The following PM20D1 variants were observed in gnomAD, a reference collection of about 807,000 sequenced individuals.
The protein encoded by PM20D1 is peptidase M20 domain containing 1.
In PM20D1, 53 loss-of-function variants were observed where a neutral mutation model predicts 53.8. The ratio of observed to expected loss-of-function variants is 0.98; its 90% CI spans 0.79 to 1.24. The LOEUF (loss-of-function observed/expected upper bound fraction) is 1.24, where lower values mean the gene tolerates loss of function less well. Ranked by LOEUF, PM20D1 falls within the 50% of genes most tolerant of loss-of-function variation. PM20D1 has a pLI of 0.00. For missense variants in PM20D1, 564 were observed against 616.8 expected, an observed-to-expected ratio of 0.91 and a Z score of 0.91; for synonymous variants, 239 against 241.3, an observed-to-expected ratio of 0.99 and a Z score of 0.09.
chr1:205,831,688 C>G (rs929352465), intron 11 of PM20D1, among the ~76,000 whole-genome samples: 1 of 151,852 alleles, frequency 6.6e-6, no homozygotes, highest in East Asian at 1.9e-4. Flanking sequence ...CTCATCCTCC[C>G]GAGTAGCTGG....
intron 2 of PM20D1, among the ~76,000 whole-genome samples, chr1:205,846,367 C>G (rs886454296): frequency 1.3e-5 from 2 of 151,604 alleles, no homozygotes; most frequent in African/African-American, 4.9e-5. Context: ...GCCTGGCTGA[C>G]ACAGCAAGAC....
chr1:205,835,651 CAAAAAAA>C (rs59126866), intron 10 of PM20D1, among the ~76,000 whole-genome samples: 1 of 55,558 alleles, frequency 1.8e-5, no homozygotes, highest in Non-Finnish European at 3.0e-5. Context: ...GACTCCGACT[CAAAAAAA>C]AAAAAAAAAA....
intron 2 of PM20D1, among the ~76,000 whole-genome samples, chr1:205,846,012 G>C (rs1240453931): frequency 1.3e-5 from 2 of 151,014 alleles, no homozygotes; most frequent in Non-Finnish European, 2.9e-5. Flanking sequence ...GAACCTGGGA[G>C]GCAGAGTTTG....
chr1:205,843,519 C>T (rs1656865067), intron 6 of PM20D1, 148 bp downstream of exon 6: 7 of 1,159,878 alleles, frequency 6.0e-6, no homozygotes, highest in Non-Finnish European at 7.3e-6. Context: ...GCTTCCCCTT[C>T]TGTTCTTCCT....
In PM20D1 at chr1:205,832,666, G is replaced by C. The variant is rs1258744111; in HGVS notation, c.1217C>G (p.Ala406Gly). The C allele has an allele frequency of 1.9e-6, 3 of 1,614,134 alleles. No individual in the cohort carries two copies. The South Asian group carries it at 3.3e-5, about 18-fold the overall frequency. ...CTGGCGGAGCAGCTGGTAGCCCAAGGCCTTGTCATCAGAAGGGCTGACGGG... is the reference window on the plus strand; with the variant it reads ...CTGGCGGAGCAGCTGGTAGCCCAAGCCCTTGTCATCAGAAGGGCTGACGGG... ...PLPVSPSDDK[A>G]LGYQLLRQTV... The change falls in exon 11 of 13, where the codon GCC becomes GGC. Residue 406 changes from alanine to glycine, a missense_variant. Physicochemically the swap from Ala to Gly is moderately conservative, Grantham distance 60. Coordinates refer to ENST00000367136, the MANE Select transcript of PM20D1 (RefSeq NM_152491.5).
intron 10 of PM20D1, among the ~76,000 whole-genome samples, chr1:205,834,786 G>C (rs931365444): frequency 4.6e-5 from 7 of 152,208 alleles, no homozygotes; most frequent in Non-Finnish European, 7.3e-5. Context: ...AGAAATCGAA[G>C]AAGGCATGCA....
At chr1:205,829,687 G>GT (rs1482417427) in intron 12 of PM20D1, 2 of 152,658 alleles carry the variant, frequency 1.3e-5, no homozygotes, top group African/African-American at 4.8e-5. Context: ...TGTCTACAGA[G>GT]GATTTAGGAT....
chr1:205,849,994 C>T lies in PM20D1; in HGVS notation c.79G>A (p.Gly27Ser), dbSNP rs758931868. The change falls in exon 1 of 13, where the codon GGC (glycine) becomes AGC (serine). Residue 27 changes from glycine to serine, a missense_variant. By Grantham distance (56) the Gly-to-Ser change is moderately conservative (BLOSUM62 0). Coordinates refer to ENST00000367136, the MANE Select transcript of PM20D1 (RefSeq NM_152491.5). ...LVFPTVSRSM[G>S]PRSGEHQRAS... ...CTTTGATGCTCCCCGCTCCTCGGGC[C>T]CATCGATCTGGAGACGGTAGGGAAA... The T allele has an allele frequency of 1.2e-6, 2 of 1,614,158 alleles. No individual in the cohort carries two copies. The highest frequency in any genetic ancestry group is 1.7e-6 in the Non-Finnish European group (2 of 1,180,020).
intron 10 of PM20D1, among the ~76,000 whole-genome samples, chr1:205,838,594 C>T (rs1656735587): frequency 6.6e-6 from 1 of 152,188 alleles, no homozygotes; most frequent in Non-Finnish European, 1.5e-5. Context: ...ACCTTCTTCC[C>T]ATGGGCTTTT....
chr1:205,829,688 G>A (rs1198467960), intron 12 of PM20D1: 2 of 152,642 alleles, frequency 1.3e-5, no homozygotes, highest in African/African-American at 4.8e-5. Flanking sequence ...GTCTACAGAG[G>A]ATTTAGGATG....
chr1:205,841,028 T>A (rs890439002), intron 9 of PM20D1, among the ~76,000 whole-genome samples: 4 of 152,184 alleles, frequency 2.6e-5, no homozygotes, highest in African/African-American at 9.7e-5. Context: ...GCTGGTTCCC[T>A]CTTATCCTTG....
At chr1:205,843,865 G>A (rs1427584782) in intron 5 of PM20D1, 79 bp from the exon 6 acceptor site, 1 of 1,549,362 alleles carries the variant, frequency 6.5e-7, no homozygotes, top group African/African-American at 1.4e-5. Flanking sequence ...GTCCATCTGT[G>A]CAATAGTCTA....
At chr1:205,829,267 G>A (rs1656507433) in intron 12 of PM20D1, among the ~76,000 whole-genome samples, 1 of 152,122 alleles carries the variant, frequency 6.6e-6, no homozygotes. Context: ...GGGCTCAAGT[G>A]AGCCTCCTGC....
intron 10 of PM20D1, among the ~76,000 whole-genome samples, chr1:205,835,489 A>G (rs1656662821): frequency 6.6e-6 from 1 of 151,976 alleles, no homozygotes; most frequent in Admixed American, 6.6e-5. Flanking sequence ...CGTCTCTACT[A>G]AAAATACAAA....
chr1:205,834,095 G>A (rs142603920), intron 10 of PM20D1, among the ~76,000 whole-genome samples: 1 of 150,464 alleles, frequency 6.6e-6, no homozygotes, highest in Admixed American at 6.6e-5. Flanking sequence ...TGATCTGCCC[G>A]CCTTGGCCTC....
intron 10 of PM20D1, among the ~76,000 whole-genome samples, chr1:205,837,506 C>T (rs1656708175): frequency 6.6e-6 from 1 of 152,190 alleles, no homozygotes; most frequent in Non-Finnish European, 1.5e-5. Context: ...GAATATGGAG[C>T]AAGAGAACTC....
chr1:205,844,650 C>A (rs988158992), intron 4 of PM20D1, among the ~76,000 whole-genome samples, 161 bp downstream of exon 4: 1 of 152,184 alleles, frequency 6.6e-6, no homozygotes, highest in Non-Finnish European at 1.5e-5. Context: ...GAATTTTGGT[C>A]AAGGTCCTTA....
intron 10 of PM20D1, among the ~76,000 whole-genome samples, chr1:205,833,917 G>A (rs1313204998): frequency 6.6e-6 from 1 of 151,302 alleles, no homozygotes; most frequent in African/African-American, 2.4e-5. Context: ...GTGCGATCTC[G>A]GCTTACTGCA....
At chr1:205,844,979 T>C (rs1422177298) in intron 3 of PM20D1, 82 bp from the exon 4 acceptor site, 2 of 1,213,150 alleles carry the variant, frequency 1.6e-6, no homozygotes, top group African/African-American at 3.0e-5. Flanking sequence ...TTCAGTTGCC[T>C]GTTATCAGGG....
Sources: gnomAD v4.1 joint callset for allele counts (sites outside exome capture counted in the v4.1 genomes callset) on GRCh38, gnomAD v4.1.1 for gene constraint, MANE v1.5 for transcripts, NCBI Gene and HGNC (gene_info 2026-07-23, HGNC 2026-07-21) for gene names.